GRIA4: variants seen among roughly 807,000 people sequenced by gnomAD.
GRIA4 encodes glutamate receptor 4.
GRIA4 carries 34 observed loss-of-function variants against 104.0 expected under a neutral mutation model. The observed-to-expected ratio is 0.33, with a 90% CI of 0.25 to 0.44. GRIA4 has a LOEUF of 0.44. GRIA4 is among the 20% of genes least tolerant of loss of function. GRIA4 has a pLI of 1.00. For missense variants in GRIA4, 750 were observed against 1,096.5 expected (o/e 0.68, Z 4.46); for synonymous variants, 386 against 381.9 (o/e 1.01, Z -0.13).
intron 5 of GRIA4, among the ~76,000 whole-genome samples, chr11:105,865,500 T>C (rs1591368716): frequency 6.6e-6 from 1 of 152,324 alleles, no homozygotes. Context: ...TAAATATCAT[T>C]GTGGACCCTA....
At chr11:105,945,902 T>G (rs963936484) in intron 14 of GRIA4, among the ~76,000 whole-genome samples, 3 of 151,894 alleles carry the variant, frequency 2.0e-5, no homozygotes, top group Non-Finnish European at 4.4e-5. Flanking sequence ...AAAACTAAAA[T>G]CCAAAGCATT....
intron 2 of GRIA4, among the ~76,000 whole-genome samples, 177 bp downstream of exon 2, chr11:105,611,262 G>T (rs1325859627): frequency 6.6e-6 from 1 of 151,818 alleles, no homozygotes; most frequent in Non-Finnish European, 1.5e-5. Context: ...TGCAGGTTCC[G>T]TTGGAATACA....
At chr11:105,863,783 A>G (rs1163284884) in intron 5 of GRIA4, among the ~76,000 whole-genome samples, 2 of 152,154 alleles carry the variant, frequency 1.3e-5, no homozygotes, top group Non-Finnish European at 2.9e-5. Flanking sequence ...CCCTCCACTT[A>G]GCACCTGTGC....
chr11:105,973,478 G>T (rs1008818516), intron 15 of GRIA4, among the ~76,000 whole-genome samples: 21 of 151,924 alleles, frequency 1.4e-4, no homozygotes, highest in Non-Finnish European at 2.4e-4. Context: ...AAGCTCTGAA[G>T]AATAAATAAT....
At chr11:105,860,092 T>C (rs974741349) in intron 4 of GRIA4, among the ~76,000 whole-genome samples, 3 of 152,184 alleles carry the variant, frequency 2.0e-5, no homozygotes, top group African/African-American at 7.2e-5. Context: ...GAGCAATAGA[T>C]ATACCAGAAT....
At chr11:105,801,188 G>T (rs372799608) in intron 4 of GRIA4, among the ~76,000 whole-genome samples, 1 of 151,338 alleles carries the variant, frequency 6.6e-6, no homozygotes, top group South Asian at 2.1e-4. Flanking sequence ...AAAAAAGGAA[G>T]AAACTGTATT....
At chr11:105,772,367 G>C (rs543752953) in intron 4 of GRIA4, among the ~76,000 whole-genome samples, 1 of 152,216 alleles carries the variant, frequency 6.6e-6, no homozygotes, top group East Asian at 1.9e-4. Context: ...AGCCACAGTT[G>C]CTCACCAATT....
chr11:105,690,209 A>G (rs1195187408), intron 3 of GRIA4, among the ~76,000 whole-genome samples: 2 of 152,100 alleles, frequency 1.3e-5, no homozygotes, highest in Admixed American at 1.3e-4. Flanking sequence ...TTGGAAAGGG[A>G]GAATTCCTTG....
rs149910439 is a variant in GRIA4, at chr11:105,615,554, T to C, written c.247+3120T>C. ...TAGCCCTTGTAGTCAAATTTCAAAA[T>C]GTAATTACAAGTATACATTTTTTTG... On this transcript the variant is annotated intron_variant, in intron 3 of 16. Coordinates refer to ENST00000282499, the MANE Select transcript of GRIA4 (RefSeq NM_000829.4). 5.3e-5 allele frequency among the ~76,000 whole-genome samples: 8 copies of C among 151,978 alleles called. No homozygotes were observed. The East Asian group carries it at 1.5e-3, about 29-fold the overall frequency.
intron 3 of GRIA4, among the ~76,000 whole-genome samples, chr11:105,648,602 A>T (rs1426166309): frequency 6.6e-6 from 1 of 151,876 alleles, no homozygotes; most frequent in Non-Finnish European, 1.5e-5. Context: ...GGAAAAAAAA[A>T]GAAAGAACTA....
intron 16 of GRIA4, chr11:105,974,717 A>G: frequency 1.6e-6 from 1 of 618,366 alleles, no homozygotes; most frequent in East Asian, 2.9e-5. Context: ...CTGCAGATGT[A>G]CTGTTTGAAA....
chr11:105,974,153 G>A (rs1302163555), intron 15 of GRIA4, among the ~76,000 whole-genome samples, 157 bp from the exon 16 acceptor site: 1 of 152,146 alleles, frequency 6.6e-6, no homozygotes, highest in African/African-American at 2.4e-5. Context: ...TAAGATTTAT[G>A]TTTAAGTCCA....
Position 105,898,348 on chromosome 11 carries a change from C to T in GRIA4, c.806C>T (p.Thr269Ile), listed in dbSNP as rs2136128733. The stretch of plus-strand genomic sequence containing the variant: ...GGATTCCAGTTGGTGGATTTTAATA[C>T]ACCTATGGTAATCAAACTAATGGAT... ...VTGFQLVDFN[T>I]PMVIKLMDRW... Residue 269 changes from threonine to isoleucine, a missense_variant, in exon 7 of 17, where the codon ACA becomes ATA. Coordinates refer to ENST00000282499, the MANE Select transcript of GRIA4 (RefSeq NM_000829.4). The T allele has an allele frequency of 1.3e-6, 2 of 1,577,344 alleles. No homozygotes were observed. Among genetic ancestry groups the T allele is most frequent in the Non-Finnish European group, 1.7e-6 (2 of 1,146,720 alleles).
chr11:105,911,913 G>A, intron 10 of GRIA4: 1 of 1,561,656 alleles, frequency 6.4e-7, no homozygotes, highest in Non-Finnish European at 8.8e-7. Context: ...AATTGATCAA[G>A]AAAGAAAAGA....
At chr11:105,722,281 TG>T (rs1486219998) in intron 3 of GRIA4, among the ~76,000 whole-genome samples, 1 of 152,158 alleles carries the variant, frequency 6.6e-6, no homozygotes, top group Non-Finnish European at 1.5e-5. Flanking sequence ...ATGATGTTTG[TG>T]AATTATGATA....
intron 3 of GRIA4, among the ~76,000 whole-genome samples, chr11:105,652,096 C>T (rs557078761): frequency 6.6e-6 from 1 of 152,104 alleles, no homozygotes; most frequent in South Asian, 2.1e-4. Context: ...ACCCTTATGC[C>T]TATAGAAAGG....
rs115490068 is a variant in GRIA4, at chr11:105,795,983, T to C, written c.487+42763T>C. Among the ~76,000 whole-genome samples the C allele has an allele frequency of 7.8e-3, 1,182 of 152,236 alleles. 23 individuals carry two copies. Among genetic ancestry groups the C allele is most frequent in the African/African-American group, 0.026 (1,085 of 41,550 alleles). ...TGGCTGAGAGTTCATGCAGGAAAGA[T>C]TGCCAGTCACAAATGCCTGCAGAGA... On this transcript the variant is annotated intron_variant, in intron 4 of 16. Coordinates refer to ENST00000282499, the MANE Select transcript of GRIA4 (RefSeq NM_000829.4).
chr11:105,930,502 C>T (rs1355695438), intron 13 of GRIA4, among the ~76,000 whole-genome samples: 1 of 152,038 alleles, frequency 6.6e-6, no homozygotes, highest in East Asian at 1.9e-4. Context: ...TTAAGGTATA[C>T]ATAATTCAAT....
At chr11:105,692,716 C>G (rs556595467) in intron 3 of GRIA4, among the ~76,000 whole-genome samples, 22 of 152,100 alleles carry the variant, frequency 1.4e-4, no homozygotes, top group Non-Finnish European at 2.6e-4. Context: ...CAAGTCAGTG[C>G]GTGAATCGCA....
Sources: gnomAD v4.1 joint callset for allele counts (sites outside exome capture counted in the v4.1 genomes callset) on GRCh38, gnomAD v4.1.1 for gene constraint, MANE v1.5 for transcripts, NCBI Gene and HGNC (gene_info 2026-07-23, HGNC 2026-07-21) for gene names.